The following GRM1 variants were observed in gnomAD, a reference collection of about 807,000 sequenced individuals.
GRM1 encodes glutamate metabotropic receptor 1.
A neutral mutation model predicts 90.9 loss-of-function variants in GRM1; 33 were observed. That is an observed-to-expected ratio of 0.36 (90% CI 0.28 to 0.49). GRM1 has a LOEUF of 0.49. GRM1 is among the 20% of genes least tolerant of loss of function. The pLI, the probability that GRM1 is intolerant of heterozygous loss-of-function variation, is 0.99. For missense variants in GRM1, 1,190 were observed against 1,534.3 expected (o/e 0.78, Z 3.75); for synonymous variants, 700 against 613.2 (o/e 1.14, Z -2.09).
chr6:146,362,893 A>G (rs1775542816), intron 5 of GRM1, among the ~76,000 whole-genome samples: 1 of 152,104 alleles, frequency 6.6e-6, no homozygotes, highest in Admixed American at 6.6e-5. Context: ...ATCAAAGCAA[A>G]GGGAACATGA....
At chr6:146,279,102 G>C (rs1782477809) in intron 2 of GRM1, among the ~76,000 whole-genome samples, 1 of 152,040 alleles carries the variant, frequency 6.6e-6, no homozygotes, top group South Asian at 2.1e-4. Context: ...TGTCTACCAA[G>C]GAATTTTAAA....
chr6:146,371,970 G>A (rs1449434635), intron 5 of GRM1, among the ~76,000 whole-genome samples: 1 of 151,946 alleles, frequency 6.6e-6, no homozygotes, highest in African/African-American at 2.4e-5. Flanking sequence ...TTTATTTTGT[G>A]TACTTAGCAG....
chr6:146,153,157 A>G (rs1447012761), intron 1 of GRM1, among the ~76,000 whole-genome samples: 1 of 152,192 alleles, frequency 6.6e-6, no homozygotes, highest in Non-Finnish European at 1.5e-5. Context: ...AAGACTCAGA[A>G]CAAGCGACAC....
At chr6:146,377,251 T>C (rs545975238) in intron 5 of GRM1, among the ~76,000 whole-genome samples, 86 of 152,002 alleles carry the variant, frequency 5.7e-4, no homozygotes, top group African/African-American at 2.0e-3. Flanking sequence ...CAGGCAGAGA[T>C]TGGAACAGTT....
intron 3 of GRM1, among the ~76,000 whole-genome samples, chr6:146,311,730 G>C (rs1270875847): frequency 6.6e-6 from 1 of 152,046 alleles, no homozygotes; most frequent in Non-Finnish European, 1.5e-5. Flanking sequence ...AAACATAATA[G>C]TAACAGTGAT....
intron 2 of GRM1, among the ~76,000 whole-genome samples, chr6:146,251,666 G>A (rs1158382309): frequency 6.6e-6 from 1 of 152,048 alleles, no homozygotes; most frequent in Admixed American, 6.6e-5. Context: ...ATTTGACTTG[G>A]GCGCACGGAT....
intron 2 of GRM1, among the ~76,000 whole-genome samples, chr6:146,268,003 G>A (rs1781983150): frequency 6.6e-6 from 1 of 152,060 alleles, no homozygotes; most frequent in Non-Finnish European, 1.5e-5. Context: ...GGTCTTTCAG[G>A]AATTGGCACA....
intron 1 of GRM1, among the ~76,000 whole-genome samples, chr6:146,092,802 G>T (rs1224547608): frequency 6.6e-6 from 1 of 152,020 alleles, no homozygotes; most frequent in Non-Finnish European, 1.5e-5. Context: ...AACTTTTGAG[G>T]CAATGTGACT....
chr6:146,328,538 T>C, intron 3 of GRM1, among the ~76,000 whole-genome samples: 1 of 152,310 alleles, frequency 6.6e-6, no homozygotes, highest in Non-Finnish European at 1.5e-5. Context: ...GTGATCCTCC[T>C]AAAAACATTA....
intron 1 of GRM1, among the ~76,000 whole-genome samples, chr6:146,047,326 G>T (rs1327267384): frequency 6.6e-6 from 1 of 151,738 alleles, no homozygotes; most frequent in Admixed American, 6.6e-5. Context: ...GTTAGAAAGC[G>T]ACACCTTTGC....
At chr6:146,130,030 A>C (rs1474927507) in intron 1 of GRM1, among the ~76,000 whole-genome samples, 1 of 152,194 alleles carries the variant, frequency 6.6e-6, no homozygotes. Context: ...TTGTAGGAAA[A>C]AAATGCCAGT....
rs1020598518 is a variant in GRM1, at chr6:146,436,632, A to G, written c.*1836A>G. The G allele has an allele frequency of 1.3e-5, 2 of 152,502 alleles. No individual in the cohort carries two copies. The highest frequency in any genetic ancestry group is 4.8e-5 in the African/African-American group (2 of 41,438). The allele number at this position is 152,502 out of a possible 1,614,324, so 9.4% of individuals were successfully genotyped here. ...TTATTTCTGCTATTTGCTGTTGTGT[A>G]ATATCCATGGACATGTAATCCACTT... is the stretch of plus-strand genomic sequence containing the variant. On this transcript the variant is annotated 3_prime_UTR_variant, in exon 8 of 8. Transcript: ENST00000282753.
In GRM1 at chr6:146,029,277, G is replaced by T. The variant is rs1790619119; in HGVS notation, c.-241G>T. 3.5e-6 allele frequency: 2 copies of T among 568,936 alleles called. No individual in the cohort carries two copies. Among genetic ancestry groups the T allele is most frequent in the Non-Finnish European group, 6.3e-6 (2 of 317,542 alleles). 35.2% of individuals were successfully genotyped at this position (568,936 alleles called of 1,614,324 possible). A position where few individuals can be genotyped will look rare whatever the true frequency, so the allele number is the denominator to read the frequency against. On this transcript the variant is annotated 5_prime_UTR_variant, in exon 1 of 8. Transcript: ENST00000282753. ...TTGATGCACTACCGGTGAAGAACGG[G>T]GACTCGAATTCCCTTACAAACGCCT...
At chr6:146,155,541 A>G (rs964250611) in intron 1 of GRM1, among the ~76,000 whole-genome samples, 5 of 152,234 alleles carry the variant, frequency 3.3e-5, no homozygotes, top group African/African-American at 1.2e-4. Context: ...AGATAAAAGC[A>G]TGGGGAATGA....
intron 2 of GRM1, among the ~76,000 whole-genome samples, chr6:146,258,240 T>TA (rs1378869496): frequency 5.3e-5 from 8 of 152,154 alleles, no homozygotes; most frequent in Non-Finnish European, 7.4e-5. Flanking sequence ...CTAAGCACTT[T>TA]AAAAATGCTT....
At chr6:146,162,419 T>C (rs1190233270) in intron 2 of GRM1, among the ~76,000 whole-genome samples, 1 of 152,238 alleles carries the variant, frequency 6.6e-6, no homozygotes, top group Non-Finnish European at 1.5e-5. Flanking sequence ...GTCTTGACAC[T>C]ACCATCAAAA....
intron 2 of GRM1, among the ~76,000 whole-genome samples, chr6:146,213,667 A>T (rs1779755332): frequency 1.3e-5 from 2 of 151,898 alleles, no homozygotes; most frequent in South Asian, 4.2e-4. Flanking sequence ...TAGGAGATAG[A>T]TAGATAGATG....
chr6:146,269,983 A>C (rs1230210669), intron 2 of GRM1, among the ~76,000 whole-genome samples: 1 of 152,026 alleles, frequency 6.6e-6, no homozygotes, highest in Non-Finnish European at 1.5e-5. Context: ...AAAAAACAAG[A>C]AATGGGGGGA....
chr6:146,113,368 C>T (rs1775631919), intron 1 of GRM1, among the ~76,000 whole-genome samples: 1 of 152,180 alleles, frequency 6.6e-6, no homozygotes, highest in African/African-American at 2.4e-5. Flanking sequence ...CCACTTGTGA[C>T]AGTAATTAAA....
Sources: allele counts gnomAD v4.1 joint callset (sites outside exome capture counted in the v4.1 genomes callset), GRCh38; gene constraint gnomAD v4.1.1; transcripts MANE v1.5; gene names NCBI Gene and HGNC (gene_info 2026-07-23, HGNC 2026-07-21).